MS4A14: variants seen among roughly 807,000 people sequenced by gnomAD.
MS4A14 encodes membrane-spanning 4-domains subfamily A member 14.
Under a neutral mutation model 16.7 loss-of-function variants are expected in MS4A14, and 18 were observed. The observed-to-expected ratio is 1.08, with a 90% confidence interval of 0.75 to 1.60. The LOEUF (loss-of-function observed/expected upper bound fraction) is 1.60, where lower values mean the gene tolerates loss of function less well. Ranked by LOEUF, MS4A14 falls within the 40% of genes most tolerant of loss-of-function variation. The pLI is 0.00. For synonymous variants in MS4A14, 305 were observed against 289.4 expected, an observed-to-expected ratio of 1.05 and a Z score of -0.55; for missense variants, 812 against 775.3, an observed-to-expected ratio of 1.05 and a Z score of -0.56.
intron 4 of MS4A14, among the ~76,000 whole-genome samples, chr11:60,409,787 TTTCTTTCC>T (rs1023210739): frequency 1.1e-4 from 16 of 151,724 alleles, no homozygotes; most frequent in African/African-American, 3.4e-4. Flanking sequence ...TTTTTCTTTC[TTTCTTTCC>T]TTCTTTCCTT....
Sources: gnomAD v4.1 joint callset for allele counts (sites outside exome capture counted in the v4.1 genomes callset) on GRCh38, gnomAD v4.1.1 for gene constraint, MANE v1.5 for transcripts, NCBI Gene and HGNC (gene_info 2026-07-23, HGNC 2026-07-21) for gene names.